Variants in ATG4B observed in about 807,000 individuals in gnomAD.
The protein encoded by ATG4B is autophagy related 4B cysteine peptidase, also known as cysteine protease ATG4B.
In ATG4B, 29 loss-of-function variants were observed where a neutral mutation model predicts 56.6. The observed-to-expected ratio is 0.51, with a 90% CI of 0.38 to 0.70. The LOEUF is 0.70. Among genes scored for constraint, ATG4B ranks in the 30% least tolerant of loss-of-function variants. The pLI is 0.00. For synonymous variants in ATG4B, 224 were observed against 206.1 expected, an observed-to-expected ratio of 1.09 and a Z score of -0.74; for missense variants, 461 against 515.5, an observed-to-expected ratio of 0.89 and a Z score of 1.02.
At chr2:241,643,426 C>G (rs982253015) in intron 1 of ATG4B, among the ~76,000 whole-genome samples, 1 of 142,000 alleles carries the variant, frequency 7.0e-6, no homozygotes, top group Admixed American at 7.1e-5. Flanking sequence ...AGGCTGGTCT[C>G]AAACTCCTGG....
At chr2:241,642,296 G>C (rs1411786456) in intron 1 of ATG4B, among the ~76,000 whole-genome samples, 1 of 151,572 alleles carries the variant, frequency 6.6e-6, no homozygotes, top group Non-Finnish European at 1.5e-5. Context: ...GTGTTTTCTA[G>C]CTTTCTGATG....
chr2:241,637,891 G>T (rs1209792130), intron 1 of ATG4B, 167 bp downstream of exon 1: 1 of 550,932 alleles, frequency 1.8e-6, no homozygotes, highest in East Asian at 4.6e-5. Context: ...TTGGTGGGTG[G>T]TGGGCGGTGG....
At chr2:241,670,689 G>T in intron 10 of ATG4B, 37 bp from the exon 11 acceptor site, 1 of 1,581,818 alleles carries the variant, frequency 6.3e-7, no homozygotes, top group East Asian at 2.3e-5. Flanking sequence ...ACTGCAGATG[G>T]GGGTGTCGTG....
chr2:241,640,100 G>A (rs1007621099), intron 1 of ATG4B, among the ~76,000 whole-genome samples: 1 of 152,150 alleles, frequency 6.6e-6, no homozygotes, highest in Admixed American at 6.6e-5. Context: ...GTTCAGTGTC[G>A]ATCATATGAC....
chr2:241,637,842 G>T, intron 1 of ATG4B, 118 bp downstream of exon 1: 1 of 1,242,804 alleles, frequency 8.0e-7, no homozygotes, highest in Non-Finnish European at 1.0e-6. Flanking sequence ...GGGCCAGGCT[G>T]GGCCGGGGCG....
intron 7 of ATG4B, among the ~76,000 whole-genome samples, chr2:241,662,624 G>T (rs1049841434): frequency 6.6e-6 from 1 of 152,218 alleles, no homozygotes; most frequent in Non-Finnish European, 1.5e-5. Flanking sequence ...GCCGATTCAT[G>T]TGTTCGATCA....
intron 1 of ATG4B, among the ~76,000 whole-genome samples, chr2:241,646,854 G>A (rs1361365447): frequency 6.6e-6 from 1 of 150,470 alleles, no homozygotes; most frequent in Admixed American, 6.7e-5. Flanking sequence ...GCGATCTCAG[G>A]TCACTGCAGC....
chr2:241,664,888 C>G (rs1157045637), intron 7 of ATG4B, among the ~76,000 whole-genome samples: 1 of 152,092 alleles, frequency 6.6e-6, no homozygotes, highest in East Asian at 1.9e-4. Context: ...TGCTTGAGCC[C>G]AGAAGGCGGA....
At chr2:241,658,921 G>A (rs533995863) in intron 6 of ATG4B, among the ~76,000 whole-genome samples, 187 bp from the exon 7 acceptor site, 15 of 152,392 alleles carry the variant, frequency 9.8e-5, no homozygotes, top group South Asian at 4.1e-4. Context: ...CAGGCGAGAA[G>A]AAGCAGATTT....
rs1231879983 is a variant in ATG4B at position 241,653,579 on chromosome 2, C to G, written c.252C>G (p.Ala84=). 6 of 1,575,920 alleles carry G rather than the reference C, an allele frequency of 3.8e-6. No homozygotes were observed. The African/African-American group carries it at 5.4e-5, about 14-fold the overall frequency. Reference sequence around the variant, plus strand: ...TGCGGTGTGGACAGATGATCTTTGCCCAAGCCCTGGTGTGCCGGCACCTAG... The same window carrying G: ...TGCGGTGTGGACAGATGATCTTTGCGCAAGCCCTGGTGTGCCGGCACCTAG... The part of the protein sequence containing the change: ...CMLRCGQMIF[A]QALVCRHLGR... The change falls in exon 4 of 13, where the codon GCC becomes GCG. Residue 84 remains alanine, a synonymous_variant. Coordinates refer to ENST00000404914, the MANE Select transcript of ATG4B (RefSeq NM_013325.5).
chr2:241,659,428 C>T (rs992988368), intron 7 of ATG4B: 6 of 585,884 alleles, frequency 1.0e-5, no homozygotes, highest in Non-Finnish European at 2.0e-5. Context: ...TATCTCACGT[C>T]GTGTTTTGTG....
chr2:241,669,633 G>A (rs1414277717), intron 10 of ATG4B, among the ~76,000 whole-genome samples: 3 of 152,176 alleles, frequency 2.0e-5, no homozygotes, highest in Non-Finnish European at 4.4e-5. Flanking sequence ...TCAGCCTCTG[G>A]ATTAGCTGGG....
At chr2:241,639,074 C>CCT (rs1559243674) in intron 1 of ATG4B, among the ~76,000 whole-genome samples, 1 of 152,126 alleles carries the variant, frequency 6.6e-6, no homozygotes, top group African/African-American at 2.4e-5. Flanking sequence ...CACTATGGCA[C>CCT]GGATACCATG....
At chr2:241,655,162 G>T in intron 5 of ATG4B, 109 bp from the exon 6 acceptor site, 1 of 1,081,174 alleles carries the variant, frequency 9.2e-7, no homozygotes, top group Admixed American at 2.1e-5. Flanking sequence ...TGGAGGCTGG[G>T]TCGGGTGCTG....
At position 241,672,202 on chromosome 2, in the gene ATG4B, G is replaced by A. The variant is rs1329892931; in HGVS notation, c.1120G>A (p.Val374Ile). 15 of 1,582,560 alleles carry A rather than the reference G, an allele frequency of 9.5e-6. No individual in the cohort carries two copies. The highest frequency in any genetic ancestry group is 3.6e-5 in the Admixed American group (2 of 54,936). The change falls in exon 13 of 13, where the codon GTA (valine) becomes ATA (isoleucine). Residue 374 changes from valine (V) to isoleucine (I), a missense_variant. By Grantham distance (29) the Val-to-Ile change is conservative (BLOSUM62 3). Transcript: ENST00000404914. ...CCTGTTCCTTCTAGATTCTTCTGAT[G>A]TAGAGCGACTGGAAAGATTCTTCGA... The part of the protein sequence containing the change: ...VLNLSLDSSD[V>I]ERLERFFDSE...
chr2:241,669,512 G>C (rs1295270266), intron 10 of ATG4B, among the ~76,000 whole-genome samples: 5 of 152,106 alleles, frequency 3.3e-5, no homozygotes, highest in African/African-American at 1.2e-4. Context: ...CTTTTTGTTT[G>C]TTTGTTTGTT....
chr2:241,668,640 G>T lies in ATG4B; in HGVS notation c.912G>T (p.Pro304=). The T allele has an allele frequency of 6.3e-7, 1 of 1,583,890 alleles. No homozygotes were observed. Among genetic ancestry groups the T allele is most frequent in the Non-Finnish European group, 8.6e-7 (1 of 1,166,132 alleles). The part of the protein sequence containing the change: ...IPDESFHCQH[P]PCRMSIAELD... The stretch of plus-strand genomic sequence containing the variant: ...ACGAGAGCTTCCACTGCCAGCACCC[G>T]CCGTGCCGCATGAGCATCGCGGAGC... Residue 304 remains proline (P), a synonymous_variant, in exon 10 of 13, where the codon CCG becomes CCT. Coordinates refer to ENST00000404914, the MANE Select transcript of ATG4B (RefSeq NM_013325.5). The surrounding 1 kb of genome is among the most constrained non-coding windows in gnomAD (Gnocchi z 4.2).
chr2:241,659,116 C>T lies in ATG4B; in HGVS notation c.467C>T (p.Ala156Val). Residue 156 changes from alanine to valine, a missense_variant, in exon 7 of 13, where the codon GCT (alanine) becomes GTT (valine). Physicochemically the swap from Ala to Val is moderately conservative, Grantham distance 64 (BLOSUM62 0). Transcript: ENST00000404914. ...NTVAQVLKKL[A>V]VFDTWSSLAV... ...TCTCCTACTCTCTGTAGGAAGCTTG[C>T]TGTCTTCGATACGTGGAGCTCCTTG... 1 of 1,605,594 alleles carries T rather than the reference C, an allele frequency of 6.2e-7. No homozygotes were observed. The highest frequency in any genetic ancestry group is 8.5e-7 in the Non-Finnish European group (1 of 1,174,218).
intron 4 of ATG4B, 70 bp downstream of exon 4, chr2:241,653,680 G>C: frequency 7.0e-7 from 1 of 1,421,274 alleles, no homozygotes; most frequent in Non-Finnish European, 9.7e-7. Context: ...TGTGGGGTCA[G>C]GGCTCTTTAG....
Sources: allele counts gnomAD v4.1 joint callset (sites outside exome capture counted in the v4.1 genomes callset), GRCh38; gene constraint gnomAD v4.1.1; non-coding constraint Gnocchi (gnomAD v3.1); transcripts MANE v1.5; gene names NCBI Gene and HGNC (gene_info 2026-07-23, HGNC 2026-07-21).